The following ADAMTS3 variants were observed in gnomAD, a reference collection of about 807,000 sequenced individuals.
ADAMTS3 encodes A disintegrin and metalloproteinase with thrombospondin motifs 3.
Under a neutral mutation model 129.0 loss-of-function variants are expected in ADAMTS3, and 73 were observed. The observed-to-expected ratio is 0.57, with a 90% CI of 0.47 to 0.69. The LOEUF is 0.69. Among genes scored for constraint, ADAMTS3 ranks in the 30% least tolerant of loss-of-function variants. ADAMTS3 has a pLI of 0.00. For synonymous variants in ADAMTS3, 477 were observed against 510.8 expected (o/e 0.93, Z 0.89); for missense variants, 1,457 against 1,514.5 (o/e 0.96, Z 0.63).
chr4:72,372,318 A>C (rs946552343), intron 4 of ADAMTS3, among the ~76,000 whole-genome samples: 26 of 152,278 alleles, frequency 1.7e-4, no homozygotes, highest in Admixed American at 9.8e-4. Context: ...GGGAAGAATA[A>C]TACTATATTA....
chr4:72,512,870 TCTC>T (rs1243810463), intron 3 of ADAMTS3, among the ~76,000 whole-genome samples: 3 of 152,178 alleles, frequency 2.0e-5, no homozygotes, highest in Admixed American at 2.0e-4. Context: ...TCTTCTGGCT[TCTC>T]CTCCTGCTCT....
At chr4:72,394,984 G>A (rs185552843) in intron 4 of ADAMTS3, among the ~76,000 whole-genome samples, 1 of 151,994 alleles carries the variant, frequency 6.6e-6, no homozygotes, top group African/African-American at 2.4e-5. Flanking sequence ...GAGTGCAGTG[G>A]CACGATCTCG....
chr4:72,418,105 G>A lies in ADAMTS3; in HGVS notation c.505-3134C>T, dbSNP rs75518545. ...CTATGGAAAGTGCAGAAAAGTAATT[G>A]ACAGGGCAGTTGATAGTAAAATCAA... On this transcript the variant is annotated intron_variant, in intron 3 of 21. Transcript: ENST00000286657. Among the ~76,000 whole-genome samples the A allele has an allele frequency of 7.0e-3, 1,061 of 151,996 alleles. 7 individuals carry two copies. The highest frequency in any genetic ancestry group is 0.024 in the African/African-American group (1,004 of 41,438).
At chr4:72,517,612 C>G (rs921764386) in intron 3 of ADAMTS3, among the ~76,000 whole-genome samples, 81 of 152,164 alleles carry the variant, frequency 5.3e-4, no homozygotes, top group South Asian at 8.3e-4. Flanking sequence ...AGATTTTCTA[C>G]TTTATTTGCA....
At chr4:72,516,423 G>C (rs907024643) in intron 3 of ADAMTS3, among the ~76,000 whole-genome samples, 2 of 152,066 alleles carry the variant, frequency 1.3e-5, no homozygotes, top group Admixed American at 6.6e-5. Context: ...AAATTACCTT[G>C]GGCAGTATGG....
chr4:72,499,318 A>G lies in ADAMTS3; in HGVS notation c.504+49160T>C, dbSNP rs560392730. Among the ~76,000 whole-genome samples, 42 of 152,300 alleles carry G rather than the reference A, an allele frequency of 2.8e-4. No individual in the cohort carries two copies. The South Asian group carries it at 5.4e-3, about 20-fold the overall frequency. On this transcript the variant is annotated intron_variant, in intron 3 of 21. Transcript: ENST00000286657. ...TAGATACTTGTTAACAGCACTGTAC[A>G]TGTTTTTAATTATAGTAAATCAAGT...
intron 3 of ADAMTS3, among the ~76,000 whole-genome samples, chr4:72,496,331 A>C (rs569333268): frequency 2.0e-5 from 3 of 152,288 alleles, no homozygotes; most frequent in African/African-American, 7.2e-5. Flanking sequence ...CACTCAAGTC[A>C]AGTGTTCATT....
At chr4:72,474,479 G>A (rs1321587344) in intron 3 of ADAMTS3, among the ~76,000 whole-genome samples, 1 of 151,976 alleles carries the variant, frequency 6.6e-6, no homozygotes, top group Non-Finnish European at 1.5e-5. Context: ...TCAGTAAACT[G>A]GAAAGCAGAA....
rs557629742 is a variant in ADAMTS3 at position 72,468,280 on chromosome 4, T to C, written c.505-53309A>G. Among the ~76,000 whole-genome samples the C allele has an allele frequency of 5.9e-5, 9 of 152,236 alleles. No individual in the cohort carries two copies. The East Asian group carries it at 1.4e-3, about 23-fold the overall frequency. The stretch of plus-strand genomic sequence containing the variant: ...AACTTCACAATTGCCATGGATATGA[T>C]GCCAATGGAATTTCAAACTTCTTCA... On this transcript the variant is annotated intron_variant, in intron 3 of 21. Transcript: ENST00000286657.
chr4:72,453,172 A>G, intron 3 of ADAMTS3, among the ~76,000 whole-genome samples: 1 of 151,822 alleles, frequency 6.6e-6, no homozygotes, highest in Non-Finnish European at 1.5e-5. Context: ...TCTAAAAAAC[A>G]TAGAGAAATT....
chr4:72,442,422 G>A (rs572599629), intron 3 of ADAMTS3, among the ~76,000 whole-genome samples: 1 of 151,872 alleles, frequency 6.6e-6, no homozygotes, highest in African/African-American at 2.4e-5. Context: ...GGAAGATAAA[G>A]TGGATGAGGC....
chr4:72,466,656 C>T (rs1285468645), intron 3 of ADAMTS3, among the ~76,000 whole-genome samples: 1 of 152,014 alleles, frequency 6.6e-6, no homozygotes, highest in South Asian at 2.1e-4. Context: ...GTGGCTGCAT[C>T]TTCTCTATAT....
Position 72,290,886 on chromosome 4 carries a change from G to C in ADAMTS3, c.2900C>G (p.Pro967Arg). 6.2e-7 allele frequency: 1 copy of C among 1,613,970 alleles called. No homozygotes were observed. The highest frequency in any genetic ancestry group is 8.5e-7 in the Non-Finnish European group (1 of 1,179,928). Residue 967 changes from proline to arginine, a missense_variant, in exon 20 of 22, where the codon CCT becomes CGT. Transcript: ENST00000286657. The stretch of plus-strand genomic sequence containing the variant: ...CCAGGGTCCTGTTTTCCACTGTGCA[G>C]GGCAGGGCACTCTGTTACAGGGCCG... ...SRRPCNRVPC[P>R]AQWKTGPWSE... is the part of the protein sequence containing the mutation.
At chr4:72,320,273 T>G (rs893267565) in intron 7 of ADAMTS3, among the ~76,000 whole-genome samples, 3 of 152,168 alleles carry the variant, frequency 2.0e-5, no homozygotes, top group East Asian at 1.9e-4. Context: ...GTGGTACTGA[T>G]GAAGGAAGCC....
chr4:72,418,452 G>T (rs985354909), intron 3 of ADAMTS3, among the ~76,000 whole-genome samples: 3 of 152,150 alleles, frequency 2.0e-5, no homozygotes, highest in Non-Finnish European at 2.9e-5. Flanking sequence ...TTTTGGATTG[G>T]CCAGGAAAGG....
chr4:72,367,940 C>T (rs1454027821), intron 4 of ADAMTS3, among the ~76,000 whole-genome samples: 1 of 151,338 alleles, frequency 6.6e-6, no homozygotes, highest in East Asian at 1.9e-4. Flanking sequence ...ATGTTTTTAA[C>T]TCTTTGGATG....
intron 3 of ADAMTS3, among the ~76,000 whole-genome samples, chr4:72,475,865 T>C (rs776945844): frequency 2.6e-5 from 4 of 151,924 alleles, no homozygotes; most frequent in Non-Finnish European, 5.9e-5. Context: ...AAGTAAACAA[T>C]ACATTTTAAA....
chr4:72,501,729 G>T (rs1085948), intron 3 of ADAMTS3, among the ~76,000 whole-genome samples: 140,405 of 152,220 alleles, frequency 0.92, 64,915 homozygotes, highest in Middle Eastern at 0.98. Flanking sequence ...GCTTAGTATC[G>T]TTGTCTCCTA....
chr4:72,538,195 A>C (rs1237211046), intron 3 of ADAMTS3, among the ~76,000 whole-genome samples: 1 of 152,176 alleles, frequency 6.6e-6, no homozygotes, highest in Non-Finnish European at 1.5e-5. Flanking sequence ...AACAGCAGAG[A>C]AAAAGGAAGA....
Sources: gnomAD v4.1 joint callset for allele counts (sites outside exome capture counted in the v4.1 genomes callset) on GRCh38, gnomAD v4.1.1 for gene constraint, MANE v1.5 for transcripts, NCBI Gene and HGNC (gene_info 2026-07-23, HGNC 2026-07-21) for gene names.